Variants in LANCL2 observed in about 807,000 individuals in gnomAD.
LANCL2 encodes the protein lanC-like protein 2.
A neutral mutation model predicts 56.9 loss-of-function variants in LANCL2; 33 were observed. The ratio of observed to expected loss-of-function variants is 0.58; its 90% CI spans 0.44 to 0.78. The LOEUF (loss-of-function observed/expected upper bound fraction) is 0.78. Ranked by LOEUF, LANCL2 falls within the 30% of genes least tolerant of loss-of-function variation. The pLI, the probability that LANCL2 is intolerant of heterozygous loss-of-function variation, is 0.00. For missense variants in LANCL2, 562 were observed against 580.2 expected, an observed-to-expected ratio of 0.97 and a Z score of 0.32; for synonymous variants, 233 against 228.2, an observed-to-expected ratio of 1.02 and a Z score of -0.19.
chr7:55,425,501 C>A, intron 7 of LANCL2, 71 bp downstream of exon 7: 1 of 1,387,544 alleles, frequency 7.2e-7, no homozygotes, highest in South Asian at 1.2e-5. Flanking sequence ...TCCAGAAGTA[C>A]AACTCCTGTT....
chr7:55,377,788 C>T (rs888865703), intron 1 of LANCL2, among the ~76,000 whole-genome samples: 1 of 152,214 alleles, frequency 6.6e-6, no homozygotes, highest in Admixed American at 6.5e-5. Context: ...TGCTAAAAAT[C>T]AATCTCAGAA....
chr7:55,410,494 G>T, intron 5 of LANCL2, among the ~76,000 whole-genome samples: 1 of 152,138 alleles, frequency 6.6e-6, no homozygotes, highest in East Asian at 1.9e-4. Context: ...TTCTGTAGGA[G>T]ATGTCATGTT....
chr7:55,408,668 C>CA (rs1190768725), intron 5 of LANCL2, among the ~76,000 whole-genome samples: 30 of 135,972 alleles, frequency 2.2e-4, no homozygotes, highest in South Asian at 4.7e-4. Flanking sequence ...GACCCTGTCT[C>CA]AAAAAAAAAG....
At chr7:55,427,046 C>CG (rs1286586471) in intron 7 of LANCL2, among the ~76,000 whole-genome samples, 1 of 152,170 alleles carries the variant, frequency 6.6e-6, no homozygotes, top group Admixed American at 6.5e-5. Context: ...CTGCAGAGCA[C>CG]GAACCAGCTC....
chr7:55,414,349 G>A (rs1373716655), intron 6 of LANCL2, among the ~76,000 whole-genome samples: 1 of 152,186 alleles, frequency 6.6e-6, no homozygotes, highest in African/African-American at 2.4e-5. Context: ...GTTAAGTTGA[G>A]AGGGCCTCCA....
At chr7:55,391,588 T>C (rs1184603646) in intron 1 of LANCL2, among the ~76,000 whole-genome samples, 2 of 152,150 alleles carry the variant, frequency 1.3e-5, no homozygotes, top group African/African-American at 4.8e-5. Flanking sequence ...ATTCTACTTA[T>C]GAGTTATAGT....
intron 6 of LANCL2, among the ~76,000 whole-genome samples, chr7:55,418,320 A>G (rs1482452660): frequency 1.3e-5 from 2 of 151,882 alleles, no homozygotes; most frequent in East Asian, 3.9e-4. Flanking sequence ...CTGGGATTAC[A>G]GGTGTGCACC....
At chr7:55,383,882 ATTCAG>A in intron 1 of LANCL2, among the ~76,000 whole-genome samples, 1 of 152,184 alleles carries the variant, frequency 6.6e-6, no homozygotes, top group East Asian at 1.9e-4. Context: ...CTCAAAGTTA[ATTCAG>A]CCAACACCCA....
At chr7:55,368,332 C>T (rs1446158747) in intron 1 of LANCL2, among the ~76,000 whole-genome samples, 3 of 152,168 alleles carry the variant, frequency 2.0e-5, no homozygotes, top group Non-Finnish European at 2.9e-5. Context: ...ACTAATGGGG[C>T]TTGTGATATC....
chr7:55,416,326 A>C (rs1272632792), intron 6 of LANCL2, among the ~76,000 whole-genome samples: 1 of 151,902 alleles, frequency 6.6e-6, no homozygotes, highest in Non-Finnish European at 1.5e-5. Flanking sequence ...TTGCACTGTC[A>C]CCCAGGCTGG....
chr7:55,371,530 TA>T (rs1789943374), intron 1 of LANCL2, among the ~76,000 whole-genome samples: 1 of 152,242 alleles, frequency 6.6e-6, no homozygotes, highest in Admixed American at 6.5e-5. Context: ...AGAAGCTTTT[TA>T]ATTTGATATA....
chr7:55,411,303 C>CTT (rs1325820053), intron 5 of LANCL2: 5 of 152,184 alleles, frequency 3.3e-5, no homozygotes, highest in African/African-American at 1.2e-4. Flanking sequence ...TGTAGTAAAA[C>CTT]TTTAACACAC....
chr7:55,417,238 C>T (rs1790554492), intron 6 of LANCL2, among the ~76,000 whole-genome samples: 1 of 152,034 alleles, frequency 6.6e-6, no homozygotes, highest in South Asian at 2.1e-4. Flanking sequence ...CTCGGCCTCC[C>T]AAAGTGCTGG....
intron 6 of LANCL2, among the ~76,000 whole-genome samples, chr7:55,415,900 C>T (rs1790531130): frequency 6.6e-6 from 1 of 152,234 alleles, no homozygotes; most frequent in African/African-American, 2.4e-5. Flanking sequence ...CGGGCATGAG[C>T]CACTGTGTCC....
intron 5 of LANCL2, among the ~76,000 whole-genome samples, chr7:55,409,102 T>G (rs1402317479): frequency 6.6e-6 from 1 of 151,876 alleles, no homozygotes; most frequent in African/African-American, 2.4e-5. Flanking sequence ...GTTTTTTTTT[T>G]TTTTGAGACG....
chr7:55,367,153 C>T (rs1258518123), intron 1 of LANCL2, among the ~76,000 whole-genome samples: 1 of 152,214 alleles, frequency 6.6e-6, no homozygotes, highest in Admixed American at 6.5e-5. Flanking sequence ...CCTTCACGGG[C>T]TATCTGAACA....
intron 1 of LANCL2, 109 bp from the exon 2 acceptor site, chr7:55,391,684 G>T: frequency 1.5e-6 from 1 of 648,480 alleles, no homozygotes; most frequent in East Asian, 2.8e-5. Flanking sequence ...GATGGTCCAA[G>T]GAAAGTAACT....
In LANCL2 at chr7:55,425,183, A is replaced by G. The variant is rs117356813; in HGVS notation, c.1009-71A>G. On this transcript the variant is annotated intron_variant, in intron 6 of 8. Transcript: ENST00000254770. ...AATATCATGCCATATTCTAACCAGAAAGGGAAAGTATTTTGCCAACTCATC... is the reference window on the plus strand; with the variant it reads ...AATATCATGCCATATTCTAACCAGAGAGGGAAAGTATTTTGCCAACTCATC... 633 of 1,480,564 alleles carry G rather than the reference A, an allele frequency of 4.3e-4. 4 individuals carry two copies. The East Asian group carries it at 0.011, about 26-fold the overall frequency. 91.7% of individuals were successfully genotyped at this position (1,480,564 alleles called of 1,614,324 possible). A position where few individuals can be genotyped will look rare whatever the true frequency, so the allele number is the denominator to read the frequency against.
intron 5 of LANCL2, among the ~76,000 whole-genome samples, chr7:55,409,318 T>G (rs1052751103): frequency 4.6e-5 from 7 of 151,920 alleles, no homozygotes; most frequent in African/African-American, 1.7e-4. Flanking sequence ...GGTCTCGATC[T>G]GACCTCATGA....
Sources: allele counts gnomAD v4.1 joint callset (sites outside exome capture counted in the v4.1 genomes callset), GRCh38; gene constraint gnomAD v4.1.1; transcripts MANE v1.5; gene names NCBI Gene and HGNC (gene_info 2026-07-23, HGNC 2026-07-21).